The following NOTCH2NLR variants were observed in gnomAD, a reference collection of about 807,000 sequenced individuals.
The protein encoded by NOTCH2NLR is notch 2 N-terminal like R (pseudogene).
A neutral mutation model predicts 35.6 loss-of-function variants in NOTCH2NLR; 33 were observed. The ratio of observed to expected loss-of-function variants is 0.93; its 90% CI spans 0.70 to 1.24. The LOEUF (loss-of-function observed/expected upper bound fraction) is 1.24. NOTCH2NLR is among the 50% of genes most tolerant of loss of function. The pLI, the probability that NOTCH2NLR is intolerant of heterozygous loss-of-function variation, is 0.00. For missense variants in NOTCH2NLR, 276 were observed against 362.2 expected (o/e 0.76, Z 1.93); for synonymous variants, 103 against 141.0 (o/e 0.73, Z 1.91).
In NOTCH2NLR at chr1:120,764,175, A is replaced by C. The variant is rs1320914811; in HGVS notation, c.155+466A>C. On this transcript the variant is annotated intron_variant, in intron 2 of 4. Transcript: ENST00000624419. ...GGCAGGAGAGTGACTTGAACCCAGG[A>C]GGCGGAGGTTGCAGTGAGCTGAGAC... Among the ~76,000 whole-genome samples the C allele has an allele frequency of 1.7e-5, 2 of 114,614 alleles. 1 individual carries two copies. The highest frequency in any genetic ancestry group is 3.4e-5 in the Non-Finnish European group (2 of 59,578). The allele number at this position is 114,614 out of a possible 152,430, so 75.2% of individuals were successfully genotyped here.
In NOTCH2NLR at chr1:120,750,499, G is replaced by A. The variant is rs1233090427; in HGVS notation, c.74-13129G>A. 1.0e-3 allele frequency among the ~76,000 whole-genome samples: 112 copies of A among 107,254 alleles called. 38 individuals are homozygous for A. Among genetic ancestry groups the A allele is most frequent in the African/African-American group, 6.2e-3 (102 of 16,542 alleles). 70.4% of individuals were successfully genotyped at this position (107,254 alleles called of 152,430 possible). ...GTTAATCCTAAATATATTCTGTGGAGTACTATCAGATGCCTTGCTTTTCTT... is the reference window on the plus strand; with the variant it reads ...GTTAATCCTAAATATATTCTGTGGAATACTATCAGATGCCTTGCTTTTCTT... On this transcript the variant is annotated intron_variant, in intron 1 of 4. Transcript: ENST00000624419.
rs1327071679 is a variant in NOTCH2NLR, at chr1:120,724,322, A to C, written c.73+72A>C. 38 of 1,360,556 alleles carry C rather than the reference A, an allele frequency of 2.8e-5. 8 individuals carry two copies. Among genetic ancestry groups the C allele is most frequent in the East Asian group, 2.3e-4 (9 of 38,650 alleles). 84.3% of individuals were successfully genotyped at this position (1,360,556 alleles called of 1,614,324 possible). On this transcript the variant is annotated intron_variant, in intron 1 of 4. Coordinates refer to ENST00000624419, the Ensembl canonical transcript of NOTCH2NLR. Reference sequence around the variant, plus strand: ...ACCTGGGGCGACCCTTCTCCCCCTCAGTCCTTCTCTGTGTGGGAAGGCCAG... The same window carrying C: ...ACCTGGGGCGACCCTTCTCCCCCTCCGTCCTTCTCTGTGTGGGAAGGCCAG...
intron 1 of NOTCH2NLR, among the ~76,000 whole-genome samples, chr1:120,758,895 A>T (rs1369605815): frequency 1.2e-5 from 1 of 86,144 alleles, no homozygotes; most frequent in Non-Finnish European, 2.1e-5. Flanking sequence ...CCTTTCCTAG[A>T]CACTATCTGA....
intron 2 of NOTCH2NLR, among the ~76,000 whole-genome samples, chr1:120,781,768 C>G (rs1222605716): frequency 8.7e-6 from 1 of 115,494 alleles, no homozygotes; most frequent in Non-Finnish European, 1.7e-5. Flanking sequence ...CTGTGTTAGC[C>G]AGGATGGTCT....
At position 120,781,779 on chromosome 1, in the gene NOTCH2NLR, C is replaced by T. The variant is rs1270661276; in HGVS notation, c.156-3195C>T. Among the ~76,000 whole-genome samples, 4 of 116,008 alleles carry T rather than the reference C, an allele frequency of 3.4e-5. 1 individual carries two copies. Among genetic ancestry groups the T allele is most frequent in the Admixed American group, 8.3e-5 (1 of 12,018 alleles). 76.1% of individuals were successfully genotyped at this position (116,008 alleles called of 152,430 possible). A position where few individuals can be genotyped will look rare whatever the true frequency, so the allele number is the denominator to read the frequency against. ...AGGACTGTGTTAGCCAGGATGGTCT[C>T]GATCTCCTGACCTGGTGATCTGCCT... On this transcript the variant is annotated intron_variant, in intron 2 of 4. Coordinates refer to ENST00000624419, the Ensembl canonical transcript of NOTCH2NLR.
Position 120,785,326 on chromosome 1 carries a change from C to T in NOTCH2NLR, c.415+93C>T. 5.9e-6 allele frequency: 5 copies of T among 846,068 alleles called. 2 individuals carry two copies. In the Admixed American group the frequency reaches 1.1e-4, roughly 19 times the overall value. The allele number at this position is 846,068 out of a possible 1,614,324, so 52.4% of individuals were successfully genotyped here. A position where few individuals can be genotyped will look rare whatever the true frequency, so the allele number is the denominator to read the frequency against. On this transcript the variant is annotated intron_variant, in intron 3 of 4. Coordinates refer to ENST00000624419, the Ensembl canonical transcript of NOTCH2NLR. ...ATCATGGTGTCTGGCTCTTAAATGT[C>T]CCCCAGCTCTGGTGCACATTTAACA...
In NOTCH2NLR at chr1:120,790,588, CTT is replaced by C. The variant is rs1651480144; in HGVS notation, c.416-2571_416-2570del. 4.0e-5 allele frequency among the ~76,000 whole-genome samples: 4 copies of C among 101,046 alleles called. No individual in the cohort carries two copies. In the Middle Eastern group the frequency reaches 0.012, roughly 306 times the overall value. 66.3% of individuals were successfully genotyped at this position (101,046 alleles called of 152,430 possible). ...TCTTTCTTTCTTTCTTTCTTTCTTT[CTT>C]TCTCTTTCTCTCTCTTTCCCTCTCT... On this transcript the variant is annotated intron_variant, in intron 3 of 4. Transcript: ENST00000624419.
exon 1 of NOTCH2NLR, chr1:120,724,008 T>C: frequency 8.6e-7 from 1 of 1,168,366 alleles, no homozygotes; most frequent in Non-Finnish European, 1.1e-6. Context: ...GCGCGGGGAG[T>C]CGAGGCATTT....
In NOTCH2NLR at chr1:120,770,472, G is replaced by A. The variant is rs1377435915; in HGVS notation, c.155+6763G>A. Among the ~76,000 whole-genome samples the A allele has an allele frequency of 1.1e-4, 13 of 113,758 alleles. 5 individuals carry two copies. The South Asian group carries it at 2.3e-3, about 20-fold the overall frequency. 74.6% of individuals were successfully genotyped at this position (113,758 alleles called of 152,430 possible). On this transcript the variant is annotated intron_variant, in intron 2 of 4. Transcript: ENST00000624419. Reference sequence around the variant, plus strand: ...GCGTGAGCCACCACACCCAGCCGAGGACATAGGTTTTTTTATGCCAGATAG... The same window carrying A: ...GCGTGAGCCACCACACCCAGCCGAGAACATAGGTTTTTTTATGCCAGATAG...
intron 1 of NOTCH2NLR, among the ~76,000 whole-genome samples, chr1:120,729,535 CT>C (rs1650853482): frequency 1.8e-5 from 2 of 111,754 alleles, no homozygotes; most frequent in South Asian, 5.4e-4. Context: ...CAAAGAGATG[CT>C]TGTCTGTAGA....
chr1:120,781,889 G>T (rs1651366292), intron 2 of NOTCH2NLR, among the ~76,000 whole-genome samples: 1 of 113,854 alleles, frequency 8.8e-6, no homozygotes, highest in African/African-American at 5.2e-5. Context: ...TCTAAGCTTC[G>T]AGTTCCTCAT....
intron 1 of NOTCH2NLR, among the ~76,000 whole-genome samples, chr1:120,730,621 G>C (rs1407932442): frequency 8.7e-6 from 1 of 115,160 alleles, no homozygotes; most frequent in Non-Finnish European, 1.7e-5. Flanking sequence ...AATATTATCT[G>C]TGTGGCAGAA....
At position 120,727,406 on chromosome 1, in the gene NOTCH2NLR, A is replaced by G; in HGVS notation, c.73+3156A>G. Among the ~76,000 whole-genome samples the G allele has an allele frequency of 1.7e-5, 2 of 116,790 alleles. 1 individual carries two copies. Among genetic ancestry groups the G allele is most frequent in the Non-Finnish European group, 3.3e-5 (2 of 61,078 alleles). The allele number at this position is 116,790 out of a possible 152,430, so 76.6% of individuals were successfully genotyped here. On this transcript the variant is annotated intron_variant, in intron 1 of 4. Coordinates refer to ENST00000624419, the Ensembl canonical transcript of NOTCH2NLR. ...TTAACGCTTCTGACTCAAGAATTTT[A>G]AAATTGCTAACATAAGAGATATAGA...
In NOTCH2NLR at chr1:120,726,797, C is replaced by G. The variant is rs1248427044; in HGVS notation, c.73+2547C>G. Reference sequence around the variant, plus strand: ...GGAGGAGAAGAGTGATTCCTAGTCTCTCTTATTTTTCTGAATGTTTAGATT... The same window carrying G: ...GGAGGAGAAGAGTGATTCCTAGTCTGTCTTATTTTTCTGAATGTTTAGATT... On this transcript the variant is annotated intron_variant, in intron 1 of 4. Coordinates refer to ENST00000624419, the Ensembl canonical transcript of NOTCH2NLR. Among the ~76,000 whole-genome samples the G allele has an allele frequency of 3.6e-5, 4 of 112,338 alleles. 1 individual carries two copies. Among genetic ancestry groups the G allele is most frequent in the Non-Finnish European group, 6.7e-5 (4 of 59,474 alleles). The allele number at this position is 112,338 out of a possible 152,430, so 73.7% of individuals were successfully genotyped here. A position where few individuals can be genotyped will look rare whatever the true frequency, so the allele number is the denominator to read the frequency against.
At chr1:120,781,659 G>T (rs1483782445) in intron 2 of NOTCH2NLR, among the ~76,000 whole-genome samples, 2 of 69,990 alleles carry the variant, frequency 2.9e-5, no homozygotes, top group Non-Finnish European at 5.0e-5. Context: ...CAACTTCTGG[G>T]TTCATGCCAT....
Position 120,723,971 on chromosome 1 carries a change from C to T in NOTCH2NLR, c.-207C>T, listed in dbSNP as rs1347821178. On this transcript the variant is annotated 5_prime_UTR_variant, in exon 1 of 5. Coordinates refer to ENST00000624419, the Ensembl canonical transcript of NOTCH2NLR. ...GCCAAACTTCCGGCGGCGGCTGAGG[C>T]GGCGGCCGAGGAGCGGCGGACTCGG... is the stretch of plus-strand genomic sequence containing the variant. 19 of 1,067,560 alleles carry T rather than the reference C, an allele frequency of 1.8e-5. 3 individuals are homozygous for T. The highest frequency in any genetic ancestry group is 4.3e-5 in the Admixed American group (1 of 23,186). 66.1% of individuals were successfully genotyped at this position (1,067,560 alleles called of 1,614,324 possible).
chr1:120,790,710 G>C (rs1448893852), intron 3 of NOTCH2NLR, among the ~76,000 whole-genome samples: 1 of 109,710 alleles, frequency 9.1e-6, no homozygotes, highest in Non-Finnish European at 1.7e-5. Context: ...AGTGATTCTT[G>C]TGCCTCAGCC....
Position 120,790,577 on chromosome 1 carries a change from T to TTTCG in NOTCH2NLR, c.416-2581_416-2580insGTTC, listed in dbSNP as rs1465523591. 1.0e-4 allele frequency among the ~76,000 whole-genome samples: 11 copies of TTTCG among 107,326 alleles called. 1 individual carries two copies. Among genetic ancestry groups the TTTCG allele is most frequent in the South Asian group, 5.5e-4 (2 of 3,666 alleles). 70.4% of individuals were successfully genotyped at this position (107,326 alleles called of 152,430 possible). On this transcript the variant is annotated intron_variant, in intron 3 of 4. Transcript: ENST00000624419. ...CTTTCTTTCTTTCTTTCTTTCTTTC[T>TTTCG]TTCTTTCTTTCTTTCTCTTTCTCTC... is the stretch of plus-strand genomic sequence containing the variant.
intron 3 of NOTCH2NLR, among the ~76,000 whole-genome samples, chr1:120,790,010 CTTTTTTTTTTTT>C (rs1174501165): frequency 2.9e-5 from 1 of 34,940 alleles, no homozygotes; most frequent in Non-Finnish European, 5.0e-5. Context: ...TTCTGATCAC[CTTTTTTTTTTTT>C]TTTTTTTTTT....
Sources: gnomAD v4.1 joint callset for allele counts (sites outside exome capture counted in the v4.1 genomes callset) on GRCh38, gnomAD v4.1.1 for gene constraint, MANE v1.5 for transcripts, NCBI Gene and HGNC (gene_info 2026-07-23, HGNC 2026-07-21) for gene names.